The following USP53 variants were observed in gnomAD, a reference collection of about 807,000 sequenced individuals.
USP53 encodes ubiquitin specific peptidase 53, also known as ubiquitin carboxyl-terminal hydrolase 53.
Under a neutral mutation model 94.9 loss-of-function variants are expected in USP53, and 71 were observed. That is an observed-to-expected ratio of 0.75 (90% CI 0.62 to 0.91). The LOEUF is 0.91. Among genes scored for constraint, USP53 ranks in the 40% least tolerant of loss-of-function variants. USP53 has a pLI of 0.00. For synonymous variants in USP53, 375 were observed against 422.7 expected (o/e 0.89, Z 1.39); for missense variants, 1,173 against 1,281.0 (o/e 0.92, Z 1.29).
At position 119,292,638 on chromosome 4, in the gene USP53, A is replaced by G. The variant is rs1333026004; in HGVS notation, c.2649A>G (p.Gln883=). 1 of 1,614,096 alleles carries G rather than the reference A, an allele frequency of 6.2e-7. No homozygotes were observed. The highest frequency in any genetic ancestry group is 1.7e-5 in the Admixed American group (1 of 60,016). Residue 883 remains glutamine (Q), a synonymous_variant, in exon 19 of 19, where the codon CAA becomes CAG. Coordinates refer to ENST00000692078, the MANE Select transcript of USP53 (RefSeq NM_001371395.1). ...KPETAPLIQQ[Q]NIMDQCYFEN... ...AAACTGCTCCTCTCATCCAGCAACAAAATATCATGGATCAATGTTACTTTG... is the reference window on the plus strand; with the variant it reads ...AAACTGCTCCTCTCATCCAGCAACAGAATATCATGGATCAATGTTACTTTG...
At chr4:119,230,238 A>C (rs1745885437) in intron 3 of USP53, among the ~76,000 whole-genome samples, 1 of 152,152 alleles carries the variant, frequency 6.6e-6, no homozygotes, top group South Asian at 2.1e-4. Flanking sequence ...TCCTTGCTCA[A>C]GTGATCATAT....
Position 119,273,683 on chromosome 4 carries a change from C to T in USP53, c.2226C>T (p.Ser742=). The change falls in exon 17 of 19, where the codon TCC becomes TCT. Residue 742 remains serine, a synonymous_variant. Transcript: ENST00000692078. ...ATAAAGAACGTGGGGACTGTACCTC[C>T]CTTCAGAGCCAACATCACTTAGAAG... ...NLNKERGDCT[S]LQSQHHLEGF... 1 of 1,612,008 alleles carries T rather than the reference C, an allele frequency of 6.2e-7. No individual in the cohort carries two copies. Among genetic ancestry groups the T allele is most frequent in the Non-Finnish European group, 8.5e-7 (1 of 1,178,862 alleles).
intron 17 of USP53, among the ~76,000 whole-genome samples, chr4:119,279,853 G>T (rs1028492051): frequency 6.6e-5 from 10 of 152,186 alleles, no homozygotes; most frequent in Admixed American, 3.3e-4. Context: ...GGGTGGGAGT[G>T]ACCCGATTTT....
chr4:119,282,846 CACTT>C (rs1273007132), intron 17 of USP53, among the ~76,000 whole-genome samples: 1 of 151,902 alleles, frequency 6.6e-6, no homozygotes, highest in Admixed American at 6.6e-5. Context: ...AATGAGGGCA[CACTT>C]ACATTACTGA....
At chr4:119,216,214 T>C (rs1743723710) in intron 2 of USP53, among the ~76,000 whole-genome samples, 2 of 151,906 alleles carry the variant, frequency 1.3e-5, no homozygotes, top group African/African-American at 4.8e-5. Flanking sequence ...ACCCTATCTG[T>C]ACTAAAAAAT....
At chr4:119,234,456 A>G (rs997099887) in intron 3 of USP53, among the ~76,000 whole-genome samples, 3 of 152,208 alleles carry the variant, frequency 2.0e-5, no homozygotes, top group Non-Finnish European at 4.4e-5. Flanking sequence ...TTTTTAAATT[A>G]TCTGTTTGTG....
At chr4:119,215,882 G>A (rs1743670928) in intron 2 of USP53, among the ~76,000 whole-genome samples, 3 of 152,018 alleles carry the variant, frequency 2.0e-5, no homozygotes, top group Admixed American at 1.3e-4. Context: ...AGTTATTTGA[G>A]GTGTCATGGT....
intron 3 of USP53, among the ~76,000 whole-genome samples, chr4:119,221,700 G>A (rs914622589): frequency 6.6e-6 from 1 of 152,110 alleles, no homozygotes; most frequent in African/African-American, 2.4e-5. Flanking sequence ...AGGGCAGAGA[G>A]AGAAGGGGAG....
intron 17 of USP53, 126 bp downstream of exon 17, chr4:119,273,834 A>G (rs1752190464): frequency 1.5e-6 from 1 of 688,360 alleles, no homozygotes; most frequent in South Asian, 2.4e-5. Flanking sequence ...TAACCCTAAA[A>G]TATCAATAAA....
At chr4:119,267,298 A>G (rs772577583) in intron 12 of USP53, 22 bp from the exon 13 acceptor site, 2 of 1,609,148 alleles carry the variant, frequency 1.2e-6, no homozygotes, top group Admixed American at 1.7e-5. Flanking sequence ...TTTTGTCTTT[A>G]TTCATTGTGT....
chr4:119,273,813 T>C, intron 17 of USP53, 105 bp downstream of exon 17: 3 of 895,550 alleles, frequency 3.3e-6, no homozygotes, highest in Non-Finnish European at 5.0e-6. Context: ...ACTATAAAAA[T>C]TATTTTTAAA....
At chr4:119,259,990 A>G in intron 10 of USP53, 65 bp downstream of exon 10, 1 of 1,201,282 alleles carries the variant, frequency 8.3e-7, no homozygotes. Flanking sequence ...AGGCATTCAG[A>G]TATTATCATG....
intron 17 of USP53, among the ~76,000 whole-genome samples, chr4:119,290,465 G>A (rs754230114): frequency 9.9e-5 from 15 of 152,168 alleles, no homozygotes; most frequent in East Asian, 3.9e-4. Flanking sequence ...GTAGTATATC[G>A]ATATATATAC....
intron 18 of USP53, 143 bp downstream of exon 18, chr4:119,291,404 G>A: frequency 2.1e-6 from 1 of 486,982 alleles, no homozygotes; most frequent in Non-Finnish European, 3.6e-6. Context: ...ATACAATGTG[G>A]ATCTAAGGAT....
intron 13 of USP53, 22 bp from the exon 14 acceptor site, chr4:119,268,246 C>T: frequency 6.5e-7 from 1 of 1,543,070 alleles, no homozygotes; most frequent in Non-Finnish European, 8.8e-7. Context: ...AGGAATGATA[C>T]ATTTTTGCTT....
intron 3 of USP53, among the ~76,000 whole-genome samples, chr4:119,227,851 A>C (rs1247233189): frequency 6.6e-6 from 1 of 152,190 alleles, no homozygotes; most frequent in Non-Finnish European, 1.5e-5. Flanking sequence ...ATCTCCCTTT[A>C]CCAGTAGTAA....
chr4:119,288,792 G>A (rs1578581320), intron 17 of USP53, among the ~76,000 whole-genome samples: 1 of 152,144 alleles, frequency 6.6e-6, no homozygotes. Context: ...TAAAAAATTA[G>A]CCAGGCGTGG....
At chr4:119,261,974 T>C (rs1478113423) in intron 12 of USP53, 110 bp downstream of exon 12, 4 of 946,154 alleles carry the variant, frequency 4.2e-6, no homozygotes, top group Non-Finnish European at 1.4e-6. Context: ...ATATGTAAAA[T>C]AGTAATAAAT....
chr4:119,259,204 C>T (rs1750152972), intron 9 of USP53, among the ~76,000 whole-genome samples: 1 of 149,858 alleles, frequency 6.7e-6, no homozygotes, highest in East Asian at 2.0e-4. Context: ...TCACTTTAAC[C>T]TGGGAGGTGG....
Sources: allele counts gnomAD v4.1 joint callset (sites outside exome capture counted in the v4.1 genomes callset), GRCh38; gene constraint gnomAD v4.1.1; transcripts MANE v1.5; gene names NCBI Gene and HGNC (gene_info 2026-07-23, HGNC 2026-07-21).